Variants in LRCH3 observed in about 807,000 individuals in gnomAD.
The protein encoded by LRCH3 is leucine rich repeats and calponin homology domain containing 3.
In LRCH3, 68 loss-of-function variants were observed where a neutral mutation model predicts 104.5. The observed-to-expected ratio is 0.65, with a 90% CI of 0.54 to 0.80. The LOEUF (loss-of-function observed/expected upper bound fraction) is 0.80, where lower values mean the gene tolerates loss of function less well. LRCH3 is among the 30% of genes least tolerant of loss of function. The probability of loss-of-function intolerance (pLI) is 0.00; values close to 1 mark genes in which losing one functional copy is unlikely to be tolerated. For missense variants in LRCH3, 951 were observed against 953.9 expected (o/e 1.00, Z 0.04); for synonymous variants, 344 against 361.3 (o/e 0.95, Z 0.54).
intron 1 of LRCH3, among the ~76,000 whole-genome samples, chr3:197,813,247 CTT>C (rs745545976): frequency 1.3e-5 from 2 of 152,152 alleles, no homozygotes; most frequent in Non-Finnish European, 2.9e-5. Flanking sequence ...CATTTATACT[CTT>C]TTAATTATTT....
chr3:197,805,537 T>C (rs1429010027), intron 1 of LRCH3, among the ~76,000 whole-genome samples: 23 of 147,506 alleles, frequency 1.6e-4, no homozygotes, highest in Admixed American at 1.4e-3. Context: ...CCTCTGATTA[T>C]TGGAGTTTTT....
chr3:197,865,321 G>C (rs1741357388), intron 15 of LRCH3, 102 bp from the exon 16 acceptor site: 2 of 779,356 alleles, frequency 2.6e-6, no homozygotes, highest in African/African-American at 3.6e-5. Context: ...TCGTGAAGGA[G>C]AGTTACCTGT....
rs1739763272 is a variant in LRCH3 at position 197,852,639 on chromosome 3, C to T, written c.1590+19C>T. On this transcript the variant is annotated intron_variant, in intron 13 of 20. Transcript: ENST00000425562. ...TGGTGAGGTAAGTTGATGTAATCTC[C>T]TTTTCTTTGGAGTTGATTATTTTTG... 6.2e-7 allele frequency: 1 copy of T among 1,610,600 alleles called. No homozygotes were observed. The highest frequency in any genetic ancestry group is 1.1e-5 in the South Asian group (1 of 90,860).
At chr3:197,866,955 C>T (rs1303676187) in intron 17 of LRCH3, among the ~76,000 whole-genome samples, 2 of 152,042 alleles carry the variant, frequency 1.3e-5, no homozygotes, top group Non-Finnish European at 2.9e-5. Flanking sequence ...GCCTGGCTAA[C>T]GTGGTGAAAC....
chr3:197,824,931 C>G (rs114513041), intron 4 of LRCH3, among the ~76,000 whole-genome samples: 1 of 152,336 alleles, frequency 6.6e-6, no homozygotes, highest in African/African-American at 2.4e-5. Flanking sequence ...GGATCTTCCT[C>G]AGTTACTCCC....
chr3:197,865,871 C>G (rs1741424240), intron 16 of LRCH3, among the ~76,000 whole-genome samples: 1 of 151,226 alleles, frequency 6.6e-6, no homozygotes, highest in Non-Finnish European at 1.5e-5. Flanking sequence ...GGAGACTGTT[C>G]AATATGATAA....
Position 197,879,941 on chromosome 3 carries a change from T to C in LRCH3, c.2209-3600T>C, listed in dbSNP as rs377227032. On this transcript the variant is annotated intron_variant, in intron 20 of 20. Coordinates refer to ENST00000425562, the MANE Select transcript of LRCH3 (RefSeq NM_001365715.1). ...CCCTAAACCAACATCCACTTCTGTG[T>C]ATTGTATTTTTTTTTTTTTTTTGAG... Among the ~76,000 whole-genome samples, 16 of 145,430 alleles carry C rather than the reference T, an allele frequency of 1.1e-4. No homozygotes were observed. In the East Asian group the frequency reaches 2.4e-3, roughly 21 times the overall value.
rs1337002222 is a variant in LRCH3 at position 197,856,318 on chromosome 3, A to G, written c.1644+1873A>G. Among the ~76,000 whole-genome samples the G allele has an allele frequency of 6.6e-6, 1 of 152,136 alleles. No homozygotes were observed. Among genetic ancestry groups the G allele is most frequent in the Non-Finnish European group, 1.5e-5 (1 of 68,000 alleles). ...GAGGCCCGGGAAGTATACATAGTGT[A>G]TTACTGTTGTCACGGTAATTTTTTT... On this transcript the variant is annotated intron_variant, in intron 14 of 20. Transcript: ENST00000425562. This position sits in a 1 kb window ranked among gnomAD's most constrained non-coding sequence, Gnocchi z 4.2.
At chr3:197,846,395 A>C (rs1352293715) in intron 10 of LRCH3, among the ~76,000 whole-genome samples, 4 of 149,554 alleles carry the variant, frequency 2.7e-5, no homozygotes, top group Non-Finnish European at 5.9e-5. Flanking sequence ...CAAAAAAAAA[A>C]AAAAACAAAA....
chr3:197,796,407 CAG>C (rs1731215185), intron 1 of LRCH3, among the ~76,000 whole-genome samples: 1 of 152,128 alleles, frequency 6.6e-6, no homozygotes, highest in African/African-American at 2.4e-5. Context: ...AGCTGCATAA[CAG>C]AAAGCTGTGA....
chr3:197,820,427 G>A lies in LRCH3; in HGVS notation c.637G>A (p.Glu213Lys). 2 of 1,546,114 alleles carry A rather than the reference G, an allele frequency of 1.3e-6. No homozygotes were observed. Among genetic ancestry groups the A allele is most frequent in the Non-Finnish European group, 1.8e-6 (2 of 1,120,830 alleles). The change falls in exon 4 of 21, where the codon GAA becomes AAA. Residue 213 changes from glutamate to lysine, a missense_variant. By Grantham distance (56) the Glu-to-Lys change is moderately conservative. Transcript: ENST00000425562. ...VRRNHLVHLP[E>K]ELAELPLIRL... is the part of the protein sequence containing the mutation. ...AAGAAATCACCTAGTACATTTGCCT[G>A]AAGGTAAGAAACTATGAAATAAGAA...
chr3:197,816,534 C>T (rs1319162718), intron 2 of LRCH3, among the ~76,000 whole-genome samples: 1 of 152,174 alleles, frequency 6.6e-6, no homozygotes, highest in Non-Finnish European at 1.5e-5. Context: ...CCTGCCTTGG[C>T]CTCCCAGAGT....
chr3:197,841,060 T>C (rs1580754843), intron 10 of LRCH3, among the ~76,000 whole-genome samples: 2 of 152,210 alleles, frequency 1.3e-5, no homozygotes, highest in East Asian at 3.8e-4. Flanking sequence ...GTTGCTTGTG[T>C]TACAAAGTTA....
At chr3:197,841,563 C>T (rs1560568939) in intron 10 of LRCH3, among the ~76,000 whole-genome samples, 1 of 152,160 alleles carries the variant, frequency 6.6e-6, no homozygotes, top group African/African-American at 2.4e-5. Flanking sequence ...TGTAATACAA[C>T]AGCATTCACT....
intron 1 of LRCH3, among the ~76,000 whole-genome samples, chr3:197,809,682 G>T (rs632470): frequency 2.0e-5 from 3 of 151,642 alleles, no homozygotes; most frequent in Non-Finnish European, 2.9e-5. Context: ...TCTGCCCTCC[G>T]CTCTGCTGTT....
intron 15 of LRCH3, among the ~76,000 whole-genome samples, chr3:197,860,883 T>A (rs1410478348): frequency 6.6e-6 from 1 of 152,044 alleles, no homozygotes; most frequent in Non-Finnish European, 1.5e-5. Flanking sequence ...CCCCATTTCC[T>A]TCCCCCACCC....
At position 197,791,337 on chromosome 3, in the gene LRCH3, C is replaced by T. The variant is rs1394897648; in HGVS notation, c.59C>T (p.Ala20Val). ...AAAAEYSGTV[A>V]SGGNLPGVHC... The stretch of plus-strand genomic sequence containing the variant: ...GCTGCCGAGTACTCTGGCACGGTAG[C>T]GTCGGGAGGTAACCTCCCTGGTGTT... The change falls in exon 1 of 21, where the codon GCG (alanine) becomes GTG (valine). Residue 20 changes from alanine to valine, a missense_variant. Physicochemically the swap from Ala to Val is moderately conservative, Grantham distance 64 (BLOSUM62 0). Transcript: ENST00000425562. 1 of 1,608,756 alleles carries T rather than the reference C, an allele frequency of 6.2e-7. No homozygotes were observed. The highest frequency in any genetic ancestry group is 8.5e-7 in the Non-Finnish European group (1 of 1,178,592).
Position 197,847,433 on chromosome 3 carries a change from C to T in LRCH3, c.1353C>T (p.Leu451=). The T allele has an allele frequency of 1.2e-6, 2 of 1,600,316 alleles. No homozygotes were observed. The change falls in exon 11 of 21, where the codon CTC becomes CTT. Residue 451 remains leucine (L), a synonymous_variant. Transcript: ENST00000425562. ...GGGTTCCAGCTGAGCCATCTTCCCT[C>T]CTGTCACTATCAGCAAGTCACAATC... ...QNRVPAEPSS[L]LSLSASHNQL... is the part of the protein sequence containing the mutation.
Position 197,830,908 on chromosome 3 carries a change from GA to G in LRCH3, c.981+49del, listed in dbSNP as rs375331543. On this transcript the variant is annotated intron_variant, in intron 7 of 20. Transcript: ENST00000425562. ...CGTGTGTTATAACACCTGATTAAGA[GA>G]AAACAGAATGATGAAAATGAAAAGC... The G allele has an allele frequency of 2.7e-4, 385 of 1,417,284 alleles. No homozygotes were observed. In the African/African-American group the frequency reaches 4.9e-3, roughly 18 times the overall value. 87.8% of individuals were successfully genotyped at this position (1,417,284 alleles called of 1,614,324 possible).
Sources: gnomAD v4.1 joint callset for allele counts (sites outside exome capture counted in the v4.1 genomes callset) on GRCh38, gnomAD v4.1.1 for gene constraint, Gnocchi (gnomAD v3.1) non-coding constraint, MANE v1.5 for transcripts, NCBI Gene and HGNC (gene_info 2026-07-23, HGNC 2026-07-21) for gene names.